The following PUS7 variants were observed in gnomAD, a reference collection of about 807,000 sequenced individuals.
The protein encoded by PUS7 is pseudouridine synthase 7, also known as pseudouridylate synthase 7 homolog.
PUS7 carries 48 observed loss-of-function variants against 79.8 expected under a neutral mutation model. That is an observed-to-expected ratio of 0.60 (90% CI 0.48 to 0.76). PUS7 has a LOEUF of 0.76. Ranked by LOEUF, PUS7 falls within the 30% of genes least tolerant of loss-of-function variation. PUS7 has a pLI of 0.00. For synonymous variants in PUS7, 286 were observed against 272.2 expected (o/e 1.05, Z -0.50); for missense variants, 729 against 797.6 (o/e 0.91, Z 1.04).
chr7:105,477,532 C>T (rs529962903), intron 9 of PUS7, among the ~76,000 whole-genome samples: 5 of 152,184 alleles, frequency 3.3e-5, no homozygotes, highest in South Asian at 4.1e-4. Context: ...GGATTACGGG[C>T]GTGAGCCACT....
intron 9 of PUS7, among the ~76,000 whole-genome samples, chr7:105,478,955 C>T (rs1824210296): frequency 6.6e-6 from 1 of 152,108 alleles, no homozygotes; most frequent in Non-Finnish European, 1.5e-5. Flanking sequence ...TATAGGATTC[C>T]ATGGCTGTCC....
At chr7:105,466,496 T>C (rs940004276) in intron 12 of PUS7, among the ~76,000 whole-genome samples, 1 of 152,084 alleles carries the variant, frequency 6.6e-6, no homozygotes, top group Non-Finnish European at 1.5e-5. Context: ...CAAGTGATTC[T>C]GCTGCCCTGG....
chr7:105,476,840 T>A (rs1824132672), intron 9 of PUS7, among the ~76,000 whole-genome samples: 1 of 152,262 alleles, frequency 6.6e-6, no homozygotes, highest in African/African-American at 2.4e-5. Flanking sequence ...TTTCGATTTG[T>A]ATCTCCCTAA....
At chr7:105,477,933 G>C (rs1824176528) in intron 9 of PUS7, among the ~76,000 whole-genome samples, 1 of 152,114 alleles carries the variant, frequency 6.6e-6, no homozygotes, top group African/African-American at 2.4e-5. Context: ...CTCCTGAGTA[G>C]CTAGGACCAA....
chr7:105,489,374 T>C (rs1445467927), intron 7 of PUS7, among the ~76,000 whole-genome samples: 1 of 151,940 alleles, frequency 6.6e-6, no homozygotes, highest in Non-Finnish European at 1.5e-5. Context: ...CCCCCATTCT[T>C]CTGAGTTTCT....
intron 5 of PUS7, chr7:105,496,922 C>T: frequency 8.5e-7 from 1 of 1,172,586 alleles, no homozygotes; most frequent in Non-Finnish European, 1.1e-6. Context: ...TGGCATTTCA[C>T]TTTATCTACA....
intron 14 of PUS7, among the ~76,000 whole-genome samples, chr7:105,459,619 G>A (rs1412765609): frequency 4.6e-5 from 7 of 151,634 alleles, no homozygotes; most frequent in African/African-American, 1.7e-4. Context: ...TGTATTTTTA[G>A]TAGAGATGGG....
chr7:105,509,334 CATA>C (rs1321941661), intron 1 of PUS7, among the ~76,000 whole-genome samples: 2 of 151,978 alleles, frequency 1.3e-5, no homozygotes. Context: ...AGAAAACCGG[CATA>C]ATACTTCCGC....
intron 7 of PUS7, among the ~76,000 whole-genome samples, chr7:105,483,932 C>T (rs1374878106): frequency 1.3e-5 from 2 of 152,298 alleles, no homozygotes; most frequent in Admixed American, 6.5e-5. Flanking sequence ...TCCAGGCCAG[C>T]GCTTTTACAC....
chr7:105,462,479 TA>T, intron 14 of PUS7, 141 bp downstream of exon 14: 1 of 930,086 alleles, frequency 1.1e-6, no homozygotes, highest in Non-Finnish European at 1.6e-6. Flanking sequence ...TATGGTGTTA[TA>T]ATCTTATGAT....
intron 11 of PUS7, among the ~76,000 whole-genome samples, chr7:105,468,974 T>G (rs1823769516): frequency 6.6e-6 from 1 of 152,148 alleles, no homozygotes; most frequent in African/African-American, 2.4e-5. Flanking sequence ...TGATCATGGC[T>G]CACTGTAGCC....
chr7:105,462,588 T>C lies in PUS7; in HGVS notation c.1757+33A>G, dbSNP rs1189771042. 4 of 1,610,200 alleles carry C rather than the reference T, an allele frequency of 2.5e-6. No homozygotes were observed. In the African/African-American group the frequency reaches 4.0e-5, roughly 16 times the overall value. On this transcript the variant is annotated intron_variant, in intron 14 of 15. Coordinates refer to ENST00000469408, the MANE Select transcript of PUS7 (RefSeq NM_019042.5). ...CAAAAGCTTACAACTTATATGGTAATTCAGTTCTATCTCATTCTAGATGAT... is the reference window on the plus strand; with the variant it reads ...CAAAAGCTTACAACTTATATGGTAACTCAGTTCTATCTCATTCTAGATGAT...
chr7:105,460,188 T>A (rs1292040304), intron 14 of PUS7, among the ~76,000 whole-genome samples: 1 of 152,038 alleles, frequency 6.6e-6, no homozygotes, highest in Non-Finnish European at 1.5e-5. Flanking sequence ...TCTGCCCGCC[T>A]CGGCCTCCCA....
At chr7:105,467,511 G>T (rs2697026) in intron 12 of PUS7, among the ~76,000 whole-genome samples, 4 of 151,100 alleles carry the variant, frequency 2.6e-5, no homozygotes, top group African/African-American at 4.9e-5. Context: ...GGATGGTCTC[G>T]ATCTCCTGAC....
At chr7:105,501,577 T>C (rs1444825240) in intron 5 of PUS7, among the ~76,000 whole-genome samples, 1 of 152,170 alleles carries the variant, frequency 6.6e-6, no homozygotes, top group Non-Finnish European at 1.5e-5. Flanking sequence ...ATTCCATATT[T>C]TTTATGTGTG....
chr7:105,518,858 T>C (rs982035517), intron 1 of PUS7, among the ~76,000 whole-genome samples: 3 of 152,038 alleles, frequency 2.0e-5, no homozygotes, highest in Non-Finnish European at 2.9e-5. Flanking sequence ...AACCTCTGCC[T>C]CCCGGGTACA....
chr7:105,481,233 T>C, intron 8 of PUS7, 56 bp from the exon 9 acceptor site: 1 of 1,521,506 alleles, frequency 6.6e-7, no homozygotes, highest in Admixed American at 2.0e-5. Context: ...TACTCAGGGA[T>C]GCAGCTCATA....
intron 14 of PUS7, 153 bp downstream of exon 14, chr7:105,462,468 A>C: frequency 1.2e-6 from 1 of 833,244 alleles, no homozygotes; most frequent in Non-Finnish European, 1.8e-6. Flanking sequence ...GTAAGTAAAA[A>C]TATGGTGTTA....
At chr7:105,473,662 G>A (rs371698898) in intron 9 of PUS7, among the ~76,000 whole-genome samples, 24 of 151,772 alleles carry the variant, frequency 1.6e-4, no homozygotes, top group African/African-American at 4.6e-4. Context: ...CACGTGATCC[G>A]CCTGCCTCGG....
Sources: gnomAD v4.1 joint callset for allele counts (sites outside exome capture counted in the v4.1 genomes callset) on GRCh38, gnomAD v4.1.1 for gene constraint, MANE v1.5 for transcripts, NCBI Gene and HGNC (gene_info 2026-07-23, HGNC 2026-07-21) for gene names.